The following NALF1 variants were observed in gnomAD, a reference collection of about 807,000 sequenced individuals.
NALF1 encodes family with sequence similarity 155 member A.
Under a neutral mutation model 48.4 loss-of-function variants are expected in NALF1, and 3 were observed. The observed-to-expected ratio is 0.06, with a 90% CI of 0.03 to 0.16. The LOEUF (loss-of-function observed/expected upper bound fraction) is 0.16. NALF1 is among the 10% of genes least tolerant of loss of function. NALF1 has a pLI of 1.00. For synonymous variants in NALF1, 262 were observed against 245.7 expected (o/e 1.07, Z -0.62); for missense variants, 526 against 571.5 (o/e 0.92, Z 0.81).
intron 1 of NALF1, among the ~76,000 whole-genome samples, chr13:107,560,207 G>A (rs1235624647): frequency 6.6e-6 from 1 of 152,110 alleles, no homozygotes; most frequent in African/African-American, 2.4e-5. Context: ...TGTGCATTTG[G>A]AATTGGCAAA....
At chr13:107,178,485 A>T (rs570462121) in intron 2 of NALF1, among the ~76,000 whole-genome samples, 1 of 152,238 alleles carries the variant, frequency 6.6e-6, no homozygotes, top group East Asian at 1.9e-4. Context: ...AGAGAAATGC[A>T]AATCAAAGCT....
chr13:107,510,306 G>T (rs376272231), intron 1 of NALF1, among the ~76,000 whole-genome samples: 2 of 152,202 alleles, frequency 1.3e-5, no homozygotes, highest in East Asian at 1.9e-4. Context: ...TTCATTTCAT[G>T]ATTCTGAAGA....
intron 1 of NALF1, among the ~76,000 whole-genome samples, chr13:107,404,967 A>T: frequency 6.6e-6 from 1 of 152,152 alleles, no homozygotes; most frequent in Admixed American, 6.6e-5. Flanking sequence ...AAAATAAAGC[A>T]CCCTGTGTAT....
intron 1 of NALF1, among the ~76,000 whole-genome samples, chr13:107,522,396 T>A (rs16970534): frequency 0.044 from 6,637 of 152,254 alleles, 230 homozygotes; most frequent in East Asian, 0.1. Flanking sequence ...GTCTAATCTT[T>A]TTGTGCATCC....
intron 1 of NALF1, among the ~76,000 whole-genome samples, chr13:107,339,523 C>G (rs532050919): frequency 6.6e-5 from 10 of 152,126 alleles, no homozygotes; most frequent in African/African-American, 1.7e-4. Flanking sequence ...GCTGCTAGTT[C>G]GTAGACCACT....
At chr13:107,761,772 A>G (rs899903319) in intron 1 of NALF1, among the ~76,000 whole-genome samples, 2 of 152,222 alleles carry the variant, frequency 1.3e-5, no homozygotes, top group Non-Finnish European at 2.9e-5. Context: ...TATTCAAAGC[A>G]CCTGATTCCA....
At chr13:107,384,125 T>TG (rs1162771852) in intron 1 of NALF1, among the ~76,000 whole-genome samples, 1 of 152,052 alleles carries the variant, frequency 6.6e-6, no homozygotes, top group Non-Finnish European at 1.5e-5. Flanking sequence ...TGGTGGCTCA[T>TG]GCCTGTGGTC....
intron 1 of NALF1, among the ~76,000 whole-genome samples, chr13:107,620,901 T>C (rs1879501368): frequency 6.6e-6 from 1 of 152,166 alleles, no homozygotes; most frequent in Non-Finnish European, 1.5e-5. Flanking sequence ...CTTTCTAACT[T>C]TGACAAAATG....
At chr13:107,632,764 A>G (rs1879866633) in intron 1 of NALF1, among the ~76,000 whole-genome samples, 1 of 152,192 alleles carries the variant, frequency 6.6e-6, no homozygotes, top group South Asian at 2.1e-4. Flanking sequence ...AGTTATATAT[A>G]AGAAAAATCT....
At chr13:107,272,950 C>T (rs985638603) in intron 1 of NALF1, among the ~76,000 whole-genome samples, 1 of 152,194 alleles carries the variant, frequency 6.6e-6, no homozygotes, top group Non-Finnish European at 1.5e-5. Flanking sequence ...TGAGAATGTA[C>T]ATGGCATTAG....
intron 1 of NALF1, among the ~76,000 whole-genome samples, chr13:107,657,441 GGT>G (rs1418278338): frequency 6.6e-6 from 1 of 152,096 alleles, no homozygotes; most frequent in African/African-American, 2.4e-5. Flanking sequence ...TGTTTGCACG[GGT>G]GTGTGTCTTT....
chr13:107,473,878 A>G (rs986964768), intron 1 of NALF1, among the ~76,000 whole-genome samples: 1 of 152,188 alleles, frequency 6.6e-6, no homozygotes, highest in South Asian at 2.1e-4. Context: ...TCCGGTGATG[A>G]CAGCGGGGCC....
chr13:107,816,123 A>G (rs1033303780), intron 1 of NALF1, among the ~76,000 whole-genome samples: 1 of 152,136 alleles, frequency 6.6e-6, no homozygotes, highest in Non-Finnish European at 1.5e-5. Flanking sequence ...AGGAGACTTG[A>G]GCAAACCTGT....
At chr13:107,584,163 T>C (rs1878388862) in intron 1 of NALF1, among the ~76,000 whole-genome samples, 1 of 152,136 alleles carries the variant, frequency 6.6e-6, no homozygotes, top group African/African-American at 2.4e-5. Context: ...GAAATATGCA[T>C]TTTCTGAAAT....
chr13:107,795,969 T>C (rs150546055), intron 1 of NALF1, among the ~76,000 whole-genome samples: 251 of 152,226 alleles, frequency 1.6e-3, no homozygotes, highest in Non-Finnish European at 2.1e-3. Context: ...TCACAGCAGA[T>C]TGAATACTAC....
intron 1 of NALF1, among the ~76,000 whole-genome samples, chr13:107,696,551 AGTGTGTGT>A (rs58345595): frequency 0.065 from 9,577 of 146,876 alleles, 672 homozygotes; most frequent in East Asian, 0.28. Context: ...CTCCAAGTTG[AGTGTGTGT>A]GTGTGTGTGT....
chr13:107,386,663 A>T (rs1431424436), intron 1 of NALF1, among the ~76,000 whole-genome samples: 1 of 152,160 alleles, frequency 6.6e-6, no homozygotes, highest in Non-Finnish European at 1.5e-5. Context: ...CTCAAACTTT[A>T]ATATGCTGAT....
intron 1 of NALF1, among the ~76,000 whole-genome samples, chr13:107,546,119 C>A (rs919428812): frequency 5.3e-5 from 8 of 152,104 alleles, no homozygotes; most frequent in African/African-American, 1.9e-4. Context: ...TTATAGCCAA[C>A]AACCCGATAA....
At chr13:107,652,510 T>C (rs1880473129) in intron 1 of NALF1, among the ~76,000 whole-genome samples, 1 of 152,188 alleles carries the variant, frequency 6.6e-6, no homozygotes, top group Non-Finnish European at 1.5e-5. Context: ...AAATTCATGA[T>C]TGGACATCTT....
Sources: allele counts gnomAD v4.1 joint callset (sites outside exome capture counted in the v4.1 genomes callset), GRCh38; gene constraint gnomAD v4.1.1; transcripts MANE v1.5; gene names NCBI Gene and HGNC (gene_info 2026-07-23, HGNC 2026-07-21).